The following GTF2F2 variants were observed in gnomAD, a reference collection of about 807,000 sequenced individuals.
The protein encoded by GTF2F2 is ATP-dependent helicase GTF2F2.
A neutral mutation model predicts 42.2 loss-of-function variants in GTF2F2; 23 were observed. That is an observed-to-expected ratio of 0.55 (90% confidence interval 0.39 to 0.77). The LOEUF (loss-of-function observed/expected upper bound fraction) is 0.77. Among genes scored for constraint, GTF2F2 ranks in the 30% least tolerant of loss-of-function variants. The pLI is 0.00. For missense variants in GTF2F2, 261 were observed against 287.2 expected (o/e 0.91, Z 0.66); for synonymous variants, 105 against 100.8 (o/e 1.04, Z -0.25).
intron 1 of GTF2F2, among the ~76,000 whole-genome samples, chr13:45,127,320 C>CTTT (rs113045599): frequency 2.0e-5 from 3 of 147,690 alleles, no homozygotes; most frequent in African/African-American, 7.4e-5. Flanking sequence ...GCACAATCTG[C>CTTT]TTTTTTTTTT....
chr13:45,208,765 A>G (rs2138190686), intron 5 of GTF2F2, among the ~76,000 whole-genome samples: 1 of 152,366 alleles, frequency 6.6e-6, no homozygotes, highest in East Asian at 1.9e-4. Context: ...TTCTCTTGTC[A>G]AATAATTCCT....
intron 6 of GTF2F2, among the ~76,000 whole-genome samples, chr13:45,265,988 C>T (rs1876545197): frequency 6.6e-6 from 1 of 152,124 alleles, no homozygotes; most frequent in Non-Finnish European, 1.5e-5. Flanking sequence ...AAGAAACAAA[C>T]AAATATCTCA....
At chr13:45,212,512 C>CT (rs1309195403) in intron 5 of GTF2F2, among the ~76,000 whole-genome samples, 41 of 71,970 alleles carry the variant, frequency 5.7e-4, no homozygotes, top group Admixed American at 1.6e-3. Context: ...TCTTTCTTTT[C>CT]TTTCTTTCTC....
At chr13:45,124,126 C>T (rs932838511) in intron 1 of GTF2F2, 2 of 695,446 alleles carry the variant, frequency 2.9e-6, no homozygotes, top group African/African-American at 1.7e-5. Context: ...CAATGCCAGC[C>T]CCAGCATCTA....
intron 7 of GTF2F2, 135 bp from the exon 8 acceptor site, chr13:45,283,307 T>C (rs1489679376): frequency 9.0e-6 from 6 of 667,356 alleles, no homozygotes; most frequent in Middle Eastern, 4.7e-4. Context: ...TGAACCTCCT[T>C]ATAGAGAAAT....
chr13:45,140,137 G>C (rs1345032566), intron 2 of GTF2F2, among the ~76,000 whole-genome samples: 1 of 147,752 alleles, frequency 6.8e-6, no homozygotes, highest in East Asian at 2.0e-4. Context: ...TTTTCTCGTA[G>C]AGGCAGAGTC....
intron 1 of GTF2F2, among the ~76,000 whole-genome samples, chr13:45,126,180 G>A (rs927829145): frequency 1.3e-5 from 2 of 151,996 alleles, no homozygotes; most frequent in Non-Finnish European, 2.9e-5. Flanking sequence ...CTAGCAGTTG[G>A]GGAACTAGAT....
chr13:45,128,748 T>A (rs1480488790), intron 1 of GTF2F2, among the ~76,000 whole-genome samples: 2 of 151,908 alleles, frequency 1.3e-5, no homozygotes, highest in Non-Finnish European at 2.9e-5. Flanking sequence ...TGTGCACTAA[T>A]ATGCCTAGAT....
chr13:45,207,005 A>AACACACACACACACACACACACACAC (rs10547539), intron 4 of GTF2F2: 6 of 139,278 alleles, frequency 4.3e-5, no homozygotes, highest in Admixed American at 2.2e-4. Context: ...CACATACACA[A>AACACACACACACACACACACACACAC]ACACACACAC....
At chr13:45,216,073 C>T (rs1404589692) in intron 5 of GTF2F2, among the ~76,000 whole-genome samples, 1 of 151,964 alleles carries the variant, frequency 6.6e-6, no homozygotes, top group Non-Finnish European at 1.5e-5. Context: ...AAACACCATC[C>T]CTACAACAAC....
chr13:45,221,293 A>G (rs976766376), intron 5 of GTF2F2, among the ~76,000 whole-genome samples: 1 of 152,116 alleles, frequency 6.6e-6, no homozygotes, highest in South Asian at 2.1e-4. Context: ...AGTTGTACCA[A>G]CACAATACAC....
chr13:45,264,426 C>T (rs1417517459), intron 6 of GTF2F2, among the ~76,000 whole-genome samples: 2 of 152,028 alleles, frequency 1.3e-5, no homozygotes, highest in East Asian at 3.8e-4. Flanking sequence ...GAGATACAGG[C>T]GTGTGCCACC....
intron 6 of GTF2F2, among the ~76,000 whole-genome samples, chr13:45,264,776 AAGTTTTCTCTCCAC>A (rs1024583526): frequency 6.6e-6 from 1 of 152,226 alleles, no homozygotes; most frequent in African/African-American, 2.4e-5. Context: ...AACAACACTT[AAGTTTTCTCTCCAC>A]AGCCAACTAG....
At chr13:45,268,046 AATG>A (rs965618598) in intron 7 of GTF2F2, among the ~76,000 whole-genome samples, 5 of 152,144 alleles carry the variant, frequency 3.3e-5, no homozygotes, top group African/African-American at 9.7e-5. Context: ...ATCCATTTAA[AATG>A]ATGATAACAA....
At chr13:45,155,857 C>A (rs1870730810) in intron 4 of GTF2F2, among the ~76,000 whole-genome samples, 2 of 152,098 alleles carry the variant, frequency 1.3e-5, no homozygotes, top group South Asian at 4.1e-4. Flanking sequence ...ATTTCCCTGC[C>A]TTGGGTCTTC....
rs1555267754 is a variant in GTF2F2 at position 45,191,220 on chromosome 13, A to ATATATATATATAT, written c.305-16204_305-16203insTATATATATATAT. ...CCCCGTCTCTACTAAAAATACAAAA[A>ATATATATATATAT]AAAAATATATATATATATATATATA... On this transcript the variant is annotated intron_variant, in intron 4 of 7. Coordinates refer to ENST00000340473, the MANE Select transcript of GTF2F2 (RefSeq NM_004128.3). Among the ~76,000 whole-genome samples the ATATATATATATAT allele has an allele frequency of 4.0e-5, 3 of 75,208 alleles. No homozygotes were observed. In the South Asian group the frequency reaches 1.1e-3, roughly 27 times the overall value. The allele number at this position is 75,208 out of a possible 152,430, so 49.3% of individuals were successfully genotyped here.
At chr13:45,131,859 T>C (rs2138093988) in intron 1 of GTF2F2, among the ~76,000 whole-genome samples, 1 of 135,134 alleles carries the variant, frequency 7.4e-6, no homozygotes. Flanking sequence ...GAGCCAAAAT[T>C]GTAAATCCAC....
At chr13:45,268,949 A>C (rs1033202958) in intron 7 of GTF2F2, among the ~76,000 whole-genome samples, 1 of 152,160 alleles carries the variant, frequency 6.6e-6, no homozygotes, top group Non-Finnish European at 1.5e-5. Context: ...AATCTCTTAC[A>C]ACAGAGCTTC....
At chr13:45,163,484 C>T (rs924629287) in intron 4 of GTF2F2, among the ~76,000 whole-genome samples, 3 of 151,556 alleles carry the variant, frequency 2.0e-5, no homozygotes, top group African/African-American at 4.9e-5. Flanking sequence ...TGCAGTGAGC[C>T]GAGATAGCGC....
Sources: gnomAD v4.1 joint callset for allele counts (sites outside exome capture counted in the v4.1 genomes callset) on GRCh38, gnomAD v4.1.1 for gene constraint, MANE v1.5 for transcripts, NCBI Gene and HGNC (gene_info 2026-07-23, HGNC 2026-07-21) for gene names.